The following THSD4 variants were observed in gnomAD, a reference collection of about 807,000 sequenced individuals.
The protein encoded by THSD4 is thrombospondin type-1 domain-containing protein 4.
Under a neutral mutation model 119.0 loss-of-function variants are expected in THSD4, and 69 were observed. That is an observed-to-expected ratio of 0.58 (90% CI 0.48 to 0.71). The LOEUF is 0.71. THSD4 is among the 30% of genes least tolerant of loss of function. The pLI is 0.00. For missense variants in THSD4, 1,393 were observed against 1,391.1 expected (o/e 1.00, Z -0.02); for synonymous variants, 524 against 540.4 (o/e 0.97, Z 0.42).
intron 3 of THSD4, among the ~76,000 whole-genome samples, chr15:71,207,778 A>G (rs555935687): frequency 5.9e-5 from 9 of 152,310 alleles, no homozygotes; most frequent in Non-Finnish European, 8.8e-5. Context: ...ATGATTTGAG[A>G]TGGAACAGTT....
At chr15:71,308,267 G>A (rs1433203412) in intron 6 of THSD4, among the ~76,000 whole-genome samples, 1 of 152,180 alleles carries the variant, frequency 6.6e-6, no homozygotes, top group Non-Finnish European at 1.5e-5. Flanking sequence ...AGCATCGCAG[G>A]CCTGCTGAGT....
chr15:71,579,368 G>A (rs1453442174), intron 7 of THSD4, among the ~76,000 whole-genome samples: 2 of 152,158 alleles, frequency 1.3e-5, no homozygotes, highest in South Asian at 4.1e-4. Flanking sequence ...GGCTCCTCAC[G>A]CCTGTTCTCA....
At chr15:71,395,803 G>C (rs1018217082) in intron 6 of THSD4, among the ~76,000 whole-genome samples, 1 of 151,896 alleles carries the variant, frequency 6.6e-6, no homozygotes, top group Non-Finnish European at 1.5e-5. Flanking sequence ...CTGAATTCCT[G>C]GATGATGTCA....
intron 3 of THSD4, among the ~76,000 whole-genome samples, chr15:71,174,017 T>C (rs1303681954): frequency 6.6e-6 from 1 of 152,186 alleles, no homozygotes; most frequent in Non-Finnish European, 1.5e-5. Context: ...CTTCATGATA[T>C]TAGTTTTGGC....
chr15:71,777,506 G>A lies in THSD4; in HGVS notation c.*132G>A, dbSNP rs2053936846. The stretch of plus-strand genomic sequence containing the variant: ...GCCAACCAACTTAGTCACCACCCCT[G>A]CCTCCGGTGAATGCACCCCGTGGTA... On this transcript the variant is annotated 3_prime_UTR_variant, in exon 18 of 18. Coordinates refer to ENST00000261862, the MANE Select transcript of THSD4 (RefSeq NM_024817.3). The A allele has an allele frequency of 1.6e-6, 2 of 1,281,912 alleles. No individual in the cohort carries two copies. The highest frequency in any genetic ancestry group is 2.6e-5 in the Admixed American group (1 of 39,136). The allele number at this position is 1,281,912 out of a possible 1,614,324, so 79.4% of individuals were successfully genotyped here. A position where few individuals can be genotyped will look rare whatever the true frequency, so the allele number is the denominator to read the frequency against.
At chr15:71,447,087 C>T (rs1179523727) in intron 7 of THSD4, among the ~76,000 whole-genome samples, 2 of 148,014 alleles carry the variant, frequency 1.4e-5, no homozygotes, top group African/African-American at 5.0e-5. Flanking sequence ...ACAACAGTGT[C>T]CTCTGTTGCC....
At chr15:71,715,350 C>T (rs2052587185) in intron 8 of THSD4, among the ~76,000 whole-genome samples, 1 of 152,206 alleles carries the variant, frequency 6.6e-6, no homozygotes, top group Non-Finnish European at 1.5e-5. Context: ...TTGGTTACAA[C>T]TCTGAATGGA....
At chr15:71,689,904 C>G (rs1332051491) in intron 8 of THSD4, among the ~76,000 whole-genome samples, 1 of 152,208 alleles carries the variant, frequency 6.6e-6, no homozygotes, top group Non-Finnish European at 1.5e-5. Flanking sequence ...AGGCTTAGAG[C>G]TGACTTTTTC....
chr15:71,161,381 A>G (rs115718624), intron 3 of THSD4, among the ~76,000 whole-genome samples: 1,786 of 152,154 alleles, frequency 0.012, 38 homozygotes, highest in African/African-American at 0.041. Flanking sequence ...ATTGCAGTCT[A>G]TCTCTAATAT....
intron 6 of THSD4, among the ~76,000 whole-genome samples, chr15:71,276,638 G>T (rs1252721997): frequency 6.6e-6 from 1 of 152,136 alleles, no homozygotes; most frequent in Non-Finnish European, 1.5e-5. Flanking sequence ...CCTGCTAGTT[G>T]CTCGAAAATT....
chr15:71,284,812 A>G (rs979547573), intron 6 of THSD4, among the ~76,000 whole-genome samples: 13 of 152,158 alleles, frequency 8.5e-5, no homozygotes, highest in Admixed American at 5.9e-4. Flanking sequence ...TGTTTTGAGA[A>G]CATTTGTTTT....
chr15:71,201,574 G>A, intron 3 of THSD4, among the ~76,000 whole-genome samples: 1 of 152,176 alleles, frequency 6.6e-6, no homozygotes, highest in East Asian at 1.9e-4. Context: ...AATAGCTGTG[G>A]TTTTTAATAC....
intron 6 of THSD4, among the ~76,000 whole-genome samples, chr15:71,363,207 A>C (rs960759373): frequency 1.3e-5 from 2 of 152,152 alleles, no homozygotes; most frequent in Admixed American, 1.3e-4. Flanking sequence ...TGTCACAACT[A>C]CCCAACTCTG....
intron 6 of THSD4, among the ~76,000 whole-genome samples, chr15:71,383,682 C>T (rs558866827): frequency 1.3e-5 from 2 of 152,208 alleles, no homozygotes; most frequent in African/African-American, 4.8e-5. Context: ...AGTCGGCCCT[C>T]TGTATCTGCT....
intron 17 of THSD4, among the ~76,000 whole-genome samples, chr15:71,775,587 T>C (rs2053897930): frequency 6.6e-6 from 1 of 152,132 alleles, no homozygotes; most frequent in African/African-American, 2.4e-5. Context: ...AGCATGTGCC[T>C]GTAATCCCAG....
intron 6 of THSD4, among the ~76,000 whole-genome samples, chr15:71,271,508 C>T (rs1378836898): frequency 4.6e-5 from 7 of 152,144 alleles, no homozygotes; most frequent in African/African-American, 1.7e-4. Context: ...ATGATAGAAC[C>T]TTCTGGAATG....
chr15:71,451,460 G>C (rs904866068), intron 7 of THSD4, among the ~76,000 whole-genome samples: 16 of 152,096 alleles, frequency 1.1e-4, no homozygotes, highest in Admixed American at 9.8e-4. Context: ...TCCGTCTTTA[G>C]GCGGATAAGG....
At chr15:71,618,667 G>GA (rs2050364928) in intron 7 of THSD4, among the ~76,000 whole-genome samples, 1 of 151,994 alleles carries the variant, frequency 6.6e-6, no homozygotes, top group Non-Finnish European at 1.5e-5. Flanking sequence ...TCAGCCTCCT[G>GA]GGCTCAGGTG....
At chr15:71,235,307 G>C (rs533261656) in intron 4 of THSD4, among the ~76,000 whole-genome samples, 1 of 152,224 alleles carries the variant, frequency 6.6e-6, no homozygotes, top group South Asian at 2.1e-4. Context: ...GTTTAGCCTT[G>C]ATATATAGTA....
Sources: gnomAD v4.1 joint callset for allele counts (sites outside exome capture counted in the v4.1 genomes callset) on GRCh38, gnomAD v4.1.1 for gene constraint, MANE v1.5 for transcripts, NCBI Gene and HGNC (gene_info 2026-07-23, HGNC 2026-07-21) for gene names.